SEMA3D: variants seen among roughly 807,000 people sequenced by gnomAD.
SEMA3D encodes semaphorin-3D.
Under a neutral mutation model 100.1 loss-of-function variants are expected in SEMA3D, and 84 were observed. That is an observed-to-expected ratio of 0.84 (90% CI 0.70 to 1.01). The LOEUF is 1.01. Ranked by LOEUF, SEMA3D falls within the 50% of genes least tolerant of loss-of-function variation. The probability of loss-of-function intolerance (pLI) is 0.00; values close to 1 mark genes in which losing one functional copy is unlikely to be tolerated. For missense variants in SEMA3D, 875 were observed against 934.1 expected (o/e 0.94, Z 0.82); for synonymous variants, 312 against 320.7 (o/e 0.97, Z 0.29).
At chr7:85,195,097 T>C in the SEMA3D span, among the ~76,000 whole-genome samples, 1 of 152,188 alleles carries the variant, frequency 6.6e-6, no homozygotes, top group East Asian at 1.9e-4. Flanking sequence ...TTTCTTCCAT[T>C]GGCATACATT....
At chr7:85,004,760 G>A (rs1789747489) in intron 18 of SEMA3D, among the ~76,000 whole-genome samples, 1 of 151,972 alleles carries the variant, frequency 6.6e-6, no homozygotes, top group Admixed American at 6.6e-5. Flanking sequence ...TCTGGATATT[G>A]CCCTTTTCCT....
At chr7:85,187,181 C>T (rs1402849082), upstream of SEMA3D, among the ~76,000 whole-genome samples, 1 of 152,128 alleles carries the variant, frequency 6.6e-6, no homozygotes, top group African/African-American at 2.4e-5. Flanking sequence ...ATCCCTGCTG[C>T]GCGGAGGCTG....
chr7:85,013,001 T>G (rs1789999906), intron 16 of SEMA3D, among the ~76,000 whole-genome samples, 155 bp from the exon 17 acceptor site: 2 of 151,778 alleles, frequency 1.3e-5, no homozygotes, highest in Non-Finnish European at 2.9e-5. Context: ...AATCTAACAT[T>G]GATTTAAAAA....
chr7:85,246,976 C>T, the SEMA3D span, among the ~76,000 whole-genome samples: 5 of 151,812 alleles, frequency 3.3e-5, no homozygotes, highest in East Asian at 3.9e-4. Context: ...TGAAAGTATA[C>T]GTAAGTCGCT....
chr7:85,102,983 C>CA (rs1413872209), intron 3 of SEMA3D, among the ~76,000 whole-genome samples: 1 of 151,978 alleles, frequency 6.6e-6, no homozygotes, highest in Non-Finnish European at 1.5e-5. Context: ...ATGCTAGCAG[C>CA]AAAACGATTA....
At chr7:85,095,226 AT>A (rs1788514034) in intron 4 of SEMA3D, among the ~76,000 whole-genome samples, 1 of 152,028 alleles carries the variant, frequency 6.6e-6, no homozygotes, top group Non-Finnish European at 1.5e-5. Context: ...TACAAAATGA[AT>A]TTTGTGAAGG....
At chr7:85,113,852 A>G (rs938025444) in intron 3 of SEMA3D, among the ~76,000 whole-genome samples, 3 of 152,142 alleles carry the variant, frequency 2.0e-5, no homozygotes, top group East Asian at 1.9e-4. Flanking sequence ...GTAGCTAACT[A>G]CTACCAGAGA....
At chr7:85,244,871 C>T in the SEMA3D span, among the ~76,000 whole-genome samples, 52 of 151,984 alleles carry the variant, frequency 3.4e-4, no homozygotes, top group Admixed American at 3.1e-3. Flanking sequence ...CCACCACTCC[C>T]GGCTAATTTT....
At chr7:85,173,021 T>C (rs1341069772) in intron 1 of SEMA3D, among the ~76,000 whole-genome samples, 2 of 151,944 alleles carry the variant, frequency 1.3e-5, no homozygotes, top group East Asian at 1.9e-4. Flanking sequence ...GAAACAAGGT[T>C]GTAATCACAC....
At position 84,996,263 on chromosome 7, in the gene SEMA3D, A is replaced by AGTC. The variant is rs1220659430; in HGVS notation, c.*3174_*3176dup. On this transcript the variant is annotated 3_prime_UTR_variant, in exon 19 of 19. Coordinates refer to ENST00000284136, the MANE Select transcript of SEMA3D (RefSeq NM_001384900.1). ...CTACTAATAACTTATTGTTTAGCTG[A>AGTC]GTCTGTAAAATTCAGCAGGAACAAA... 1 of 152,044 alleles carries AGTC rather than the reference A, an allele frequency of 6.6e-6. No individual in the cohort carries two copies. Among genetic ancestry groups the AGTC allele is most frequent in the Non-Finnish European group, 1.5e-5 (1 of 67,880 alleles). The allele number at this position is 152,044 out of a possible 1,614,324, so 9.4% of individuals were successfully genotyped here.
chr7:85,232,135 T>TG, the SEMA3D span, among the ~76,000 whole-genome samples: 3 of 152,160 alleles, frequency 2.0e-5, no homozygotes, highest in African/African-American at 7.2e-5. Flanking sequence ...TGAGTGCATT[T>TG]GGCATTGGGA....
intron 1 of SEMA3D, among the ~76,000 whole-genome samples, chr7:85,178,433 A>G (rs984532665): frequency 2.0e-5 from 3 of 152,092 alleles, no homozygotes; most frequent in African/African-American, 7.2e-5. Flanking sequence ...GTGCAGGCTG[A>G]GGTGGTTTTA....
the SEMA3D span, among the ~76,000 whole-genome samples, chr7:85,248,673 A>G: frequency 4.6e-5 from 7 of 152,190 alleles, no homozygotes; most frequent in Non-Finnish European, 1.0e-4. Context: ...CAGTCATGAA[A>G]AGACATGGAG....
chr7:85,019,737 T>C (rs1790202723), intron 14 of SEMA3D, among the ~76,000 whole-genome samples: 1 of 151,710 alleles, frequency 6.6e-6, no homozygotes, highest in Non-Finnish European at 1.5e-5. Context: ...ACTATTCTTC[T>C]AGATCTACTA....
chr7:85,102,829 T>C (rs1365208476), intron 3 of SEMA3D, among the ~76,000 whole-genome samples: 1 of 151,978 alleles, frequency 6.6e-6, no homozygotes, highest in Non-Finnish European at 1.5e-5. Flanking sequence ...AAAGTTGATA[T>C]AGCCACTTGC....
At chr7:85,123,274 A>G (rs1334254782) in intron 2 of SEMA3D, among the ~76,000 whole-genome samples, 1 of 152,064 alleles carries the variant, frequency 6.6e-6, no homozygotes, top group Non-Finnish European at 1.5e-5. Context: ...ATGTTAATTA[A>G]CTTACTGCTG....
chr7:85,191,648 T>C (rs1249136420), upstream of SEMA3D, among the ~76,000 whole-genome samples: 1 of 152,156 alleles, frequency 6.6e-6, no homozygotes, highest in Non-Finnish European at 1.5e-5. Context: ...CAGACATACC[T>C]GTATTCCAAG....
In SEMA3D at chr7:85,186,522, C is replaced by A. The variant is rs112375892; in HGVS notation, c.-173+156G>T. Among the ~76,000 whole-genome samples the A allele has an allele frequency of 5.3e-3, 805 of 152,230 alleles. 6 individuals carry two copies. Among genetic ancestry groups the A allele is most frequent in the African/African-American group, 0.019 (775 of 41,546 alleles). ...CCCACTCTCTGTCCGCTCCCGGGAG[C>A]CTTCTCTGTCTCAGGACGGTTCCTT... On this transcript the variant is annotated intron_variant, in intron 1 of 18. Transcript: ENST00000284136.
At chr7:85,062,047 A>G (rs752574908) in intron 8 of SEMA3D, among the ~76,000 whole-genome samples, 11 of 152,190 alleles carry the variant, frequency 7.2e-5, no homozygotes, top group Non-Finnish European at 1.2e-4. Context: ...GGGACATGCC[A>G]TCAAAAGAGC....
Sources: allele counts gnomAD v4.1 joint callset (sites outside exome capture counted in the v4.1 genomes callset), GRCh38; gene constraint gnomAD v4.1.1; transcripts MANE v1.5; gene names NCBI Gene and HGNC (gene_info 2026-07-23, HGNC 2026-07-21).